The following ABCB10 variants were observed in gnomAD, a reference collection of about 807,000 sequenced individuals.
ABCB10 encodes the protein ATP-binding cassette sub-family B member 10, mitochondrial.
ABCB10 carries 54 observed loss-of-function variants against 65.4 expected under a neutral mutation model. That is an observed-to-expected ratio of 0.83 (90% CI 0.66 to 1.04). The LOEUF is 1.04. ABCB10 is among the 50% of genes least tolerant of loss of function. ABCB10 has a pLI of 0.00. For synonymous variants in ABCB10, 418 were observed against 406.5 expected (o/e 1.03, Z -0.34); for missense variants, 846 against 976.6 (o/e 0.87, Z 1.78).
chr1:229,518,963 A>T, intron 11 of ABCB10, 88 bp from the exon 12 acceptor site: 1 of 1,090,756 alleles, frequency 9.2e-7, no homozygotes, highest in South Asian at 1.4e-5. Context: ...AAATTCTGAC[A>T]CATGCTACAA....
chr1:229,524,973 C>A (rs557595513), intron 10 of ABCB10, among the ~76,000 whole-genome samples: 1 of 152,194 alleles, frequency 6.6e-6, no homozygotes, highest in East Asian at 1.9e-4. Flanking sequence ...CATGCCTCAG[C>A]CTCCCGAGTA....
chr1:229,532,060 C>T (rs537682289), intron 6 of ABCB10, among the ~76,000 whole-genome samples: 77 of 147,614 alleles, frequency 5.2e-4, no homozygotes, highest in African/African-American at 1.7e-3. Flanking sequence ...TCAAGTGATT[C>T]TCCTGCCTTA....
intron 1 of ABCB10, among the ~76,000 whole-genome samples, chr1:229,556,609 G>A (rs1388412655): frequency 6.6e-6 from 1 of 152,158 alleles, no homozygotes; most frequent in African/African-American, 2.4e-5. Context: ...ACAGAGTGAG[G>A]GGTCACAGGA....
chr1:229,546,033 G>A (rs550714360), intron 3 of ABCB10, among the ~76,000 whole-genome samples: 5 of 152,102 alleles, frequency 3.3e-5, no homozygotes, highest in South Asian at 2.1e-4. Flanking sequence ...TTAGCGAGGC[G>A]TGGTGGCTGG....
intron 1 of ABCB10, 34 bp downstream of exon 1, chr1:229,558,102 C>A: frequency 3.0e-6 from 4 of 1,328,810 alleles, no homozygotes; most frequent in Non-Finnish European, 3.8e-6. Context: ...GAAGGAGAGG[C>A]CCGGCGGAGG....
At chr1:229,529,323 A>AAAAAAAAAAAAAAAAAAC (rs1662522130) in intron 8 of ABCB10, among the ~76,000 whole-genome samples, 1 of 144,604 alleles carries the variant, frequency 6.9e-6, no homozygotes, top group Non-Finnish European at 1.5e-5. Flanking sequence ...AAAAAAAAAA[A>AAAAAAAAAAAAAAAAAAC]AAAAAAGAAA....
At chr1:229,557,455 C>T (rs1018006150) in intron 1 of ABCB10, among the ~76,000 whole-genome samples, 2 of 152,208 alleles carry the variant, frequency 1.3e-5, no homozygotes, top group African/African-American at 4.8e-5. Flanking sequence ...AATTTTAGAT[C>T]TTACAAGGCC....
chr1:229,542,148 C>G, intron 4 of ABCB10, 89 bp downstream of exon 4: 2 of 1,454,908 alleles, frequency 1.4e-6, no homozygotes, highest in South Asian at 2.9e-5. Context: ...CATTGAAAAA[C>G]CTAAGTACAT....
At chr1:229,540,110 A>G (rs1662808812) in intron 5 of ABCB10, among the ~76,000 whole-genome samples, 5 of 152,192 alleles carry the variant, frequency 3.3e-5, no homozygotes. Flanking sequence ...TTTTCAGTTT[A>G]CACATATCTG....
rs765391751 is a variant in ABCB10 at position 229,539,636 on chromosome 1, C to T, written c.1204-45G>A. On this transcript the variant is annotated intron_variant, in intron 5 of 12. Transcript: ENST00000344517. ...CAGAAGTCAGGTGGGAATCAAGGAC[C>T]CAGAATGTGAAAAGCATGAACACGG... 5 of 1,592,910 alleles carry T rather than the reference C, an allele frequency of 3.1e-6. No individual in the cohort carries two copies. The Admixed American group carries it at 8.8e-5, about 28-fold the overall frequency.
intron 6 of ABCB10, among the ~76,000 whole-genome samples, chr1:229,535,889 C>A (rs1407702974): frequency 6.6e-6 from 1 of 152,134 alleles, no homozygotes; most frequent in Non-Finnish European, 1.5e-5. Context: ...GCACACCCAG[C>A]TAATTTTTGT....
Position 229,558,617 on chromosome 1 carries a change from G to A in ABCB10, c.36C>T (p.Leu12=), listed in dbSNP as rs1034897043. The change falls in exon 1 of 13, where the codon CTC becomes CTT. Residue 12 remains leucine, a synonymous_variant. Transcript: ENST00000344517. ...CTGGCTCGGCAGGGCTCGGTGGCTCGAGCAGCCGCAGCGGCCAGGCAGGGG... is the reference window on the plus strand; with the variant it reads ...CTGGCTCGGCAGGGCTCGGTGGCTCAAGCAGCCGCAGCGGCCAGGCAGGGG... ...RGPPAWPLRL[L]EPPSPAEPGR... 10 of 1,416,964 alleles carry A rather than the reference G, an allele frequency of 7.1e-6. No individual in the cohort carries two copies. The East Asian group carries it at 1.3e-4, about 18-fold the overall frequency. 87.8% of individuals were successfully genotyped at this position (1,416,964 alleles called of 1,614,324 possible).
At chr1:229,543,253 G>C (rs1352844556) in intron 3 of ABCB10, among the ~76,000 whole-genome samples, 1 of 152,148 alleles carries the variant, frequency 6.6e-6, no homozygotes, top group Non-Finnish European at 1.5e-5. Context: ...AAGTCAGCAG[G>C]ATGGATCTGG....
chr1:229,531,506 C>T lies in ABCB10; in HGVS notation c.1435+130G>A, dbSNP rs556257724. 18 of 897,858 alleles carry T rather than the reference C, an allele frequency of 2.0e-5. No individual in the cohort carries two copies. In the South Asian group the frequency reaches 2.8e-4, roughly 14 times the overall value. The allele number at this position is 897,858 out of a possible 1,614,324, so 55.6% of individuals were successfully genotyped here. ...AAACCTGACCACCTCCTCACCCGGC[C>T]CGCCATGCAGCAGGAGCCACATCCT... On this transcript the variant is annotated intron_variant, in intron 7 of 12. Transcript: ENST00000344517.
At position 229,558,160 on chromosome 1, in the gene ABCB10, A is replaced by C; in HGVS notation, c.493T>G (p.Tyr165Asp). ...PEARKLLGLA[Y>D]PERRRLAAAV... Reference sequence around the variant, plus strand: ...CCTGCCAGCCTCCGGCGCTCAGGGTACGCCAGCCCCAGGAGCTTCCGGGCC... The same window carrying C: ...CCTGCCAGCCTCCGGCGCTCAGGGTCCGCCAGCCCCAGGAGCTTCCGGGCC... The change falls in exon 1 of 13, where the codon TAC (tyrosine) becomes GAC (aspartate). Residue 165 changes from tyrosine (Y) to aspartate (D), a missense_variant. Physicochemically the swap from Tyr to Asp is radical, Grantham distance 160 (BLOSUM62 -3). Coordinates refer to ENST00000344517, the MANE Select transcript of ABCB10 (RefSeq NM_012089.3). 2.8e-6 allele frequency: 4 copies of C among 1,433,622 alleles called. No individual in the cohort carries two copies. Among genetic ancestry groups the C allele is most frequent in the Non-Finnish European group, 3.6e-6 (4 of 1,096,776 alleles). 88.8% of individuals were successfully genotyped at this position (1,433,622 alleles called of 1,614,324 possible).
rs780336604 is a variant in ABCB10, at chr1:229,518,153, C to T, written c.*26G>A. ...GCAACACTGTTTTGCATTAAAGTCT[C>T]ATATTGTTTACCAGTAATTGCTTCC... On this transcript the variant is annotated 3_prime_UTR_variant, in exon 13 of 13. Coordinates refer to ENST00000344517, the MANE Select transcript of ABCB10 (RefSeq NM_012089.3). The T allele has an allele frequency of 1.3e-6, 2 of 1,553,342 alleles. No homozygotes were observed. The highest frequency in any genetic ancestry group is 1.8e-6 in the Non-Finnish European group (2 of 1,125,660).
At chr1:229,541,227 A>C (rs1318198478) in intron 4 of ABCB10, among the ~76,000 whole-genome samples, 1 of 151,932 alleles carries the variant, frequency 6.6e-6, no homozygotes, top group Non-Finnish European at 1.5e-5. Flanking sequence ...GTTATTTTTT[A>C]TTTTTCTTTT....
At chr1:229,556,833 T>G (rs1663259230) in intron 1 of ABCB10, among the ~76,000 whole-genome samples, 1 of 152,210 alleles carries the variant, frequency 6.6e-6, no homozygotes, top group African/African-American at 2.4e-5. Flanking sequence ...CATTTATTCC[T>G]TCACTGAAGG....
chr1:229,547,784 T>C (rs1443781744), intron 2 of ABCB10, 83 bp from the exon 3 acceptor site: 1 of 1,404,412 alleles, frequency 7.1e-7, no homozygotes, highest in Admixed American at 1.8e-5. Flanking sequence ...GTGCAGCAGC[T>C]TGGCCTGGAG....
Sources: gnomAD v4.1 joint callset for allele counts (sites outside exome capture counted in the v4.1 genomes callset) on GRCh38, gnomAD v4.1.1 for gene constraint, MANE v1.5 for transcripts, NCBI Gene and HGNC (gene_info 2026-07-23, HGNC 2026-07-21) for gene names.